Variants in CD4 observed in about 807,000 individuals in gnomAD.
CD4 encodes the protein T-cell surface glycoprotein CD4.
In CD4, 25 loss-of-function variants were observed where a neutral mutation model predicts 50.5. The observed-to-expected ratio is 0.49, with a 90% CI of 0.36 to 0.69. The LOEUF (loss-of-function observed/expected upper bound fraction) is 0.69, where lower values mean the gene tolerates loss of function less well. Among genes scored for constraint, CD4 ranks in the 30% least tolerant of loss-of-function variants. CD4 has a pLI of 0.00. For missense variants in CD4, 456 were observed against 548.5 expected (o/e 0.83, Z 1.68); for synonymous variants, 207 against 221.9 (o/e 0.93, Z 0.60).
At position 6,818,684 on chromosome 12, in the gene CD4, C is replaced by G. The variant is rs782608488; in HGVS notation, c.1278+142C>G. ...CCTTGCTGCCCTGTCCCAGATCCCA[C>G]TCAAGGGAGAGACAGGAAGGAGCAG... On this transcript the variant is annotated intron_variant, in intron 8 of 9. Coordinates refer to ENST00000011653, the MANE Select transcript of CD4 (RefSeq NM_000616.5). This position sits in a 1 kb window ranked among gnomAD's most constrained non-coding sequence, Gnocchi z 5.0. 7.3e-6 allele frequency: 9 copies of G among 1,231,212 alleles called. No homozygotes were observed. Among genetic ancestry groups the G allele is most frequent in the Non-Finnish European group, 1.1e-5 (9 of 850,844 alleles). The allele number at this position is 1,231,212 out of a possible 1,614,324, so 76.3% of individuals were successfully genotyped here.
At chr12:6,796,340 C>T (rs12099768) in intron 1 of CD4, among the ~76,000 whole-genome samples, 156 of 152,310 alleles carry the variant, frequency 1.0e-3, no homozygotes, top group African/African-American at 3.1e-3. Context: ...CAAGCTTCAA[C>T]GGCAAAGATG....
At chr12:6,813,984 G>A in intron 3 of CD4, 158 bp from the exon 4 acceptor site, 2 of 655,082 alleles carry the variant, frequency 3.1e-6, no homozygotes, top group East Asian at 5.1e-5. Context: ...TGGATATGAT[G>A]AGACCTCCTT....
chr12:6,800,275 A>G (rs1942503379), intron 2 of CD4, 32 bp from the exon 3 acceptor site: 1 of 1,613,720 alleles, frequency 6.2e-7, no homozygotes, highest in African/African-American at 1.3e-5. Flanking sequence ...CAGCGGCGAC[A>G]TTGAGACCTG....
intron 1 of CD4, among the ~76,000 whole-genome samples, chr12:6,793,693 TATCTATC>T (rs766636401): frequency 1.8e-5 from 2 of 108,424 alleles, no homozygotes; most frequent in African/African-American, 7.7e-5. Flanking sequence ...TCTATCTATC[TATCTATC>T]TATCTTTTTT....
rs200182933 is a variant in CD4 at position 6,819,410 on chromosome 12, A to G, written c.*81A>G. On this transcript the variant is annotated 3_prime_UTR_variant, in exon 10 of 10. Coordinates refer to ENST00000011653, the MANE Select transcript of CD4 (RefSeq NM_000616.5). Reference sequence around the variant, plus strand: ...TCCTGCCTGCGGACCAGATGAATGTAGCAGATCCCCAGCCTCTGGCCTCCT... The same window carrying G: ...TCCTGCCTGCGGACCAGATGAATGTGGCAGATCCCCAGCCTCTGGCCTCCT... 1 of 1,336,152 alleles carries G rather than the reference A, an allele frequency of 7.5e-7. No homozygotes were observed. The highest frequency in any genetic ancestry group is 1.4e-5 in the African/African-American group (1 of 69,358). The allele number at this position is 1,336,152 out of a possible 1,614,324, so 82.8% of individuals were successfully genotyped here.
At position 6,816,777 on chromosome 12, in the gene CD4, T is replaced by C. The variant is rs782466814; in HGVS notation, c.956-353T>C. On this transcript the variant is annotated intron_variant, in intron 6 of 9. Coordinates refer to ENST00000011653, the MANE Select transcript of CD4 (RefSeq NM_000616.5). The surrounding 1 kb of genome is among the most constrained non-coding windows in gnomAD (Gnocchi z 4.9). ...AATGATGATAATGTCAAGCTCCAAA[T>C]TGAGTTTCTGGCTTCCTTATCTCCT... Among the ~76,000 whole-genome samples the C allele has an allele frequency of 9.2e-5, 14 of 152,318 alleles. No homozygotes were observed. In the East Asian group the frequency reaches 2.5e-3, roughly 27 times the overall value.
chr12:6,802,387 A>C (rs1443529132), intron 3 of CD4, among the ~76,000 whole-genome samples: 2 of 150,906 alleles, frequency 1.3e-5, no homozygotes, highest in African/African-American at 4.9e-5. Flanking sequence ...CAGTGGCATG[A>C]CCACAACACA....
intron 3 of CD4, among the ~76,000 whole-genome samples, chr12:6,807,732 T>A (rs1942808614): frequency 6.6e-6 from 1 of 152,204 alleles, no homozygotes; most frequent in East Asian, 1.9e-4. Flanking sequence ...ACATAGGATT[T>A]CTCTGTATTA....
chr12:6,808,125 A>C (rs1555116499), intron 3 of CD4, among the ~76,000 whole-genome samples: 2 of 150,286 alleles, frequency 1.3e-5, no homozygotes, highest in East Asian at 2.0e-4. Flanking sequence ...GGGCCAGGAA[A>C]GCGTATAATT....
intron 1 of CD4, among the ~76,000 whole-genome samples, chr12:6,796,497 A>G (rs1824684275): frequency 6.6e-6 from 1 of 152,154 alleles, no homozygotes; most frequent in African/African-American, 2.4e-5. Flanking sequence ...GCCTGGATTC[A>G]AAGACACTTG....
intron 3 of CD4, among the ~76,000 whole-genome samples, chr12:6,802,410 G>A (rs1438048960): frequency 6.6e-6 from 1 of 151,282 alleles, no homozygotes; most frequent in Non-Finnish European, 1.5e-5. Flanking sequence ...ACAGCCTCAA[G>A]TGATCTTCCC....
intron 3 of CD4, among the ~76,000 whole-genome samples, chr12:6,807,128 T>C (rs11064405): frequency 0.12 from 18,814 of 151,778 alleles, 2,250 homozygotes; most frequent in African/African-American, 0.31. Context: ...GATCGCGCCA[T>C]TGCACTCCAA....
intron 1 of CD4, among the ~76,000 whole-genome samples, chr12:6,791,304 G>A (rs147078151): frequency 7.5e-4 from 114 of 152,244 alleles, no homozygotes; most frequent in African/African-American, 2.4e-3. Context: ...GTGCAATGAC[G>A]TGATCTCCAC....
At chr12:6,819,064 T>G (rs1591568681) in intron 9 of CD4, 150 bp downstream of exon 9, 37 of 544,318 alleles carry the variant, frequency 6.8e-5, no homozygotes, top group African/African-American at 3.3e-4. Flanking sequence ...GGGGTGGAGG[T>G]GAGGAGATGG....
chr12:6,818,760 C>T lies in CD4; in HGVS notation c.1279-87C>T, dbSNP rs1943182039. ...TGGGCCATGTAACTGCTTCTCCTGT[C>T]GCAGCTTCCCCCACTCCCCCCACCA... is the stretch of plus-strand genomic sequence containing the variant. On this transcript the variant is annotated intron_variant, in intron 8 of 9. Coordinates refer to ENST00000011653, the MANE Select transcript of CD4 (RefSeq NM_000616.5). The surrounding 1 kb of genome is among the most constrained non-coding windows in gnomAD (Gnocchi z 5.0). 5.4e-6 allele frequency: 7 copies of T among 1,298,478 alleles called. No individual in the cohort carries two copies. Among genetic ancestry groups the T allele is most frequent in the South Asian group, 1.2e-5 (1 of 84,110 alleles). The allele number at this position is 1,298,478 out of a possible 1,614,324, so 80.4% of individuals were successfully genotyped here. A position where few individuals can be genotyped will look rare whatever the true frequency, so the allele number is the denominator to read the frequency against.
rs1412237418 is a variant in CD4, at chr12:6,800,537, GAGATCTGGTCTT to G, written c.214+69_214+80del. On this transcript the variant is annotated intron_variant, in intron 3 of 9. Coordinates refer to ENST00000011653, the MANE Select transcript of CD4 (RefSeq NM_000616.5). The stretch of plus-strand genomic sequence containing the variant: ...TATGGAGTGAAAGCCTTTGGTGTCT[GAGATCTGGTCTT>G]AGTTAAACTCTGGGATCCCAGAGGG... 1.6e-4 allele frequency: 225 copies of G among 1,404,550 alleles called. 1 individual carries two copies. Among genetic ancestry groups the G allele is most frequent in the Non-Finnish European group, 2.1e-4 (213 of 1,024,676 alleles). 87.0% of individuals were successfully genotyped at this position (1,404,550 alleles called of 1,614,324 possible).
At chr12:6,813,372 T>A (rs1349821723) in intron 3 of CD4, among the ~76,000 whole-genome samples, 4 of 152,104 alleles carry the variant, frequency 2.6e-5, no homozygotes, top group Non-Finnish European at 5.9e-5. Flanking sequence ...TTTTTTAATT[T>A]TTTTTTAGAC....
intron 3 of CD4, among the ~76,000 whole-genome samples, chr12:6,801,266 C>T (rs2137863399): frequency 6.6e-6 from 1 of 150,476 alleles, no homozygotes; most frequent in South Asian, 2.1e-4. Flanking sequence ...ACCTGTAATC[C>T]AGAACTTTGG....
intron 7 of CD4, among the ~76,000 whole-genome samples, chr12:6,817,914 C>G (rs782721824): frequency 6.6e-5 from 10 of 152,122 alleles, no homozygotes; most frequent in African/African-American, 2.4e-4. Context: ...CACCCACACA[C>G]TGTCGTACAC....
Sources: allele counts gnomAD v4.1 joint callset (sites outside exome capture counted in the v4.1 genomes callset), GRCh38; gene constraint gnomAD v4.1.1; non-coding constraint Gnocchi (gnomAD v3.1); transcripts MANE v1.5; gene names NCBI Gene and HGNC (gene_info 2026-07-23, HGNC 2026-07-21).